Variants in MAGI1 observed in about 807,000 individuals in gnomAD.
The protein encoded by MAGI1 is membrane associated guanylate kinase, WW and PDZ domain containing 1.
Under a neutral mutation model 139.9 loss-of-function variants are expected in MAGI1, and 58 were observed. The observed-to-expected ratio is 0.41, with a 90% confidence interval of 0.34 to 0.52. The LOEUF (loss-of-function observed/expected upper bound fraction) is 0.52, where lower values mean the gene tolerates loss of function less well. Ranked by LOEUF, MAGI1 falls within the 20% of genes least tolerant of loss-of-function variation. The pLI, the probability that MAGI1 is intolerant of heterozygous loss-of-function variation, is 0.12. For synonymous variants in MAGI1, 812 were observed against 737.9 expected, an observed-to-expected ratio of 1.10 and a Z score of -1.63; for missense variants, 1,874 against 1,901.6, an observed-to-expected ratio of 0.99 and a Z score of 0.27.
At chr3:65,910,855 C>CTTTTGTTTTTTTTTTTTTT (rs2061633901) in intron 1 of MAGI1, among the ~76,000 whole-genome samples, 2 of 59,484 alleles carry the variant, frequency 3.4e-5, no homozygotes, top group African/African-American at 7.9e-5. Context: ...ACATGGTGGA[C>CTTTTGTTTTTTTTTTTTTT]TTTTTTTTTT....
intron 1 of MAGI1, among the ~76,000 whole-genome samples, chr3:66,010,960 G>A (rs763420881): frequency 8.5e-5 from 13 of 152,208 alleles, no homozygotes; most frequent in Non-Finnish European, 1.6e-4. Context: ...CTCAGAGGAA[G>A]CCAAGTGTTA....
chr3:65,538,150 C>T (rs1170727150), intron 2 of MAGI1, among the ~76,000 whole-genome samples: 4 of 152,054 alleles, frequency 2.6e-5, no homozygotes, highest in Non-Finnish European at 5.9e-5. Flanking sequence ...AAAACAAAGA[C>T]ATAAATAAAA....
chr3:65,773,534 A>G (rs927353495), intron 1 of MAGI1, among the ~76,000 whole-genome samples: 1 of 152,106 alleles, frequency 6.6e-6, no homozygotes, highest in Non-Finnish European at 1.5e-5. Context: ...CACTGTCTCA[A>G]AAAAAAGACA....
intron 2 of MAGI1, among the ~76,000 whole-genome samples, chr3:65,540,787 T>C (rs1398341359): frequency 1.3e-5 from 2 of 152,294 alleles, no homozygotes; most frequent in African/African-American, 4.8e-5. Flanking sequence ...GGTAAGTGCC[T>C]CTCTCCCTTC....
At chr3:65,726,075 T>A (rs922180971) in intron 1 of MAGI1, among the ~76,000 whole-genome samples, 17 of 152,196 alleles carry the variant, frequency 1.1e-4, no homozygotes, top group African/African-American at 4.1e-4. Context: ...TAAAGAAATA[T>A]GAAATTATGC....
chr3:65,900,796 A>T (rs1254109149), intron 1 of MAGI1, among the ~76,000 whole-genome samples: 3 of 152,162 alleles, frequency 2.0e-5, no homozygotes, highest in Non-Finnish European at 4.4e-5. Context: ...CAGACATCTG[A>T]CCTATTATGA....
At chr3:65,459,360 G>C (rs560116798) in intron 5 of MAGI1, among the ~76,000 whole-genome samples, 1 of 152,100 alleles carries the variant, frequency 6.6e-6, no homozygotes, top group Non-Finnish European at 1.5e-5. Flanking sequence ...TATTGATAGG[G>C]ATTGCATTGA....
chr3:65,354,247 C>T lies in MAGI1; in HGVS notation c.*2131G>A, dbSNP rs1940105123. The T allele has an allele frequency of 6.6e-6, 1 of 152,584 alleles. No individual in the cohort carries two copies. The highest frequency in any genetic ancestry group is 6.5e-5 in the Admixed American group (1 of 15,278). The allele number at this position is 152,584 out of a possible 1,614,324, so 9.5% of individuals were successfully genotyped here. A position where few individuals can be genotyped will look rare whatever the true frequency, so the allele number is the denominator to read the frequency against. ...CAGCCTTACTACAGCTCAATGTATG[C>T]TTTGTATGGAAAACTTTAATAATAA... is the stretch of plus-strand genomic sequence containing the variant. On this transcript the variant is annotated 3_prime_UTR_variant, in exon 23 of 23. Coordinates refer to ENST00000402939, the MANE Select transcript of MAGI1 (RefSeq NM_001033057.2).
chr3:65,860,686 G>A (rs931061076), intron 1 of MAGI1, among the ~76,000 whole-genome samples: 6 of 152,184 alleles, frequency 3.9e-5, no homozygotes, highest in African/African-American at 1.4e-4. Flanking sequence ...CAGTGCTGCT[G>A]AACAGATTCC....
intron 17 of MAGI1, among the ~76,000 whole-genome samples, chr3:65,377,962 C>A (rs966515735): frequency 3.3e-5 from 5 of 152,318 alleles, no homozygotes; most frequent in African/African-American, 1.2e-4. Context: ...TAGCACCTTG[C>A]TGATTCTAGC....
At chr3:65,359,007 G>T in intron 22 of MAGI1, 2 of 1,453,648 alleles carry the variant, frequency 1.4e-6, no homozygotes, top group Non-Finnish European at 9.7e-7. Flanking sequence ...CTAAGCAGAA[G>T]CAATGAGGAA....
intron 1 of MAGI1, among the ~76,000 whole-genome samples, chr3:66,005,355 C>A (rs1462589882): frequency 6.6e-6 from 1 of 152,102 alleles, no homozygotes; most frequent in African/African-American, 2.4e-5. Flanking sequence ...TTTGTCTCAA[C>A]CTAAAAATGA....
At chr3:66,029,201 A>G (rs2068464462) in intron 1 of MAGI1, among the ~76,000 whole-genome samples, 1 of 152,120 alleles carries the variant, frequency 6.6e-6, no homozygotes, top group African/African-American at 2.4e-5. Context: ...ACATCAGTAA[A>G]TTGCTATTTG....
chr3:65,433,422 A>G (rs1029833326), intron 10 of MAGI1, among the ~76,000 whole-genome samples: 3 of 152,172 alleles, frequency 2.0e-5, no homozygotes, highest in Non-Finnish European at 1.5e-5. Flanking sequence ...TCCTTTTCCA[A>G]TGTTTAACAA....
chr3:65,498,957 C>T, intron 2 of MAGI1: 3 of 969,760 alleles, frequency 3.1e-6, no homozygotes, highest in Non-Finnish European at 3.7e-6. Context: ...TACACTACAT[C>T]CAGTACCATG....
At chr3:65,455,646 A>T (rs1949342029) in intron 5 of MAGI1, among the ~76,000 whole-genome samples, 1 of 152,206 alleles carries the variant, frequency 6.6e-6, no homozygotes, top group Non-Finnish European at 1.5e-5. Context: ...CTGAGGTAGC[A>T]GGATCACCTG....
At chr3:65,868,073 A>G (rs1220581481) in intron 1 of MAGI1, among the ~76,000 whole-genome samples, 1 of 152,110 alleles carries the variant, frequency 6.6e-6, no homozygotes, top group Non-Finnish European at 1.5e-5. Context: ...GCTGTTCTGG[A>G]AAGTTGGCCC....
chr3:65,755,225 G>C (rs954957695), intron 1 of MAGI1, among the ~76,000 whole-genome samples: 4 of 152,116 alleles, frequency 2.6e-5, no homozygotes, highest in African/African-American at 9.7e-5. Flanking sequence ...TGGGATTACA[G>C]GTGTGAGCCA....
chr3:65,744,701 T>C (rs973533405), intron 1 of MAGI1, among the ~76,000 whole-genome samples: 2 of 151,950 alleles, frequency 1.3e-5, no homozygotes, highest in African/African-American at 4.8e-5. Flanking sequence ...TTTTCTGTTT[T>C]TTTTAATAAA....
Sources: gnomAD v4.1 joint callset for allele counts (sites outside exome capture counted in the v4.1 genomes callset) on GRCh38, gnomAD v4.1.1 for gene constraint, MANE v1.5 for transcripts, NCBI Gene and HGNC (gene_info 2026-07-23, HGNC 2026-07-21) for gene names.